SNX25: variants seen among roughly 807,000 people sequenced by gnomAD.
SNX25 encodes the protein sorting nexin 25.
In SNX25, 62 loss-of-function variants were observed where a neutral mutation model predicts 113.7. The ratio of observed to expected loss-of-function variants is 0.55; its 90% confidence interval spans 0.44 to 0.67. The LOEUF (loss-of-function observed/expected upper bound fraction) is 0.67, where lower values mean the gene tolerates loss of function less well. SNX25 is among the 30% of genes least tolerant of loss of function. SNX25 has a pLI of 0.00. For missense variants in SNX25, 1,014 were observed against 1,161.0 expected, an observed-to-expected ratio of 0.87 and a Z score of 1.84; for synonymous variants, 421 against 436.2, an observed-to-expected ratio of 0.97 and a Z score of 0.43.
intron 7 of SNX25, 80 bp from the exon 8 acceptor site, chr4:185,320,653 A>G (rs879267147): frequency 1.0e-4 from 112 of 1,077,202 alleles, no homozygotes; most frequent in Non-Finnish European, 1.4e-4. Flanking sequence ...CTAAATGTAG[A>G]AATCAGTCCA....
At chr4:185,317,634 T>C (rs778073353) in intron 7 of SNX25, among the ~76,000 whole-genome samples, 4 of 152,134 alleles carry the variant, frequency 2.6e-5, no homozygotes, top group Non-Finnish European at 4.4e-5. Context: ...TGGAGTACTA[T>C]GCAGCCATAA....
At chr4:185,301,917 T>C (rs1461998965) in intron 6 of SNX25, among the ~76,000 whole-genome samples, 1 of 147,890 alleles carries the variant, frequency 6.8e-6, no homozygotes, top group South Asian at 2.2e-4. Context: ...TCTTTTTTTT[T>C]GAGATGGAGT....
At chr4:185,243,236 C>T (rs1744333197) in intron 1 of SNX25, among the ~76,000 whole-genome samples, 1 of 152,176 alleles carries the variant, frequency 6.6e-6, no homozygotes, top group Non-Finnish European at 1.5e-5. Context: ...TTTGAGTATA[C>T]AGTTCAGTGA....
chr4:185,246,138 A>T lies in SNX25; in HGVS notation c.430-1156A>T, dbSNP rs532846416. Among the ~76,000 whole-genome samples the T allele has an allele frequency of 2.0e-5, 3 of 152,298 alleles. No individual in the cohort carries two copies. The East Asian group carries it at 5.8e-4, about 29-fold the overall frequency. On this transcript the variant is annotated intron_variant, in intron 1 of 18. Coordinates refer to ENST00000652585, the MANE Select transcript of SNX25 (RefSeq NM_001378034.2). ...CCATCTCTACTAGAAATAAAAAATTAGCTGGGTGTGGTGTCGTGGGCCTGA... is the reference window on the plus strand; with the variant it reads ...CCATCTCTACTAGAAATAAAAAATTTGCTGGGTGTGGTGTCGTGGGCCTGA...
chr4:185,289,108 G>A (rs1045576598), intron 6 of SNX25, among the ~76,000 whole-genome samples: 1 of 152,140 alleles, frequency 6.6e-6, no homozygotes, highest in Non-Finnish European at 1.5e-5. Context: ...AGATTATGAA[G>A]AGGCACTGAT....
chr4:185,280,389 A>G (rs1241226434), intron 5 of SNX25, among the ~76,000 whole-genome samples: 5 of 152,218 alleles, frequency 3.3e-5, no homozygotes, highest in Admixed American at 3.3e-4. Flanking sequence ...AATAAAAAAC[A>G]CTCTAAGGCA....
chr4:185,224,788 T>C (rs1740720332), intron 1 of SNX25, among the ~76,000 whole-genome samples: 1 of 151,850 alleles, frequency 6.6e-6, no homozygotes. Context: ...GGAGCCCTTT[T>C]TAGTTGACTC....
chr4:185,298,504 C>A (rs1253023423), intron 6 of SNX25, among the ~76,000 whole-genome samples: 1 of 151,992 alleles, frequency 6.6e-6, no homozygotes, highest in African/African-American at 2.4e-5. Context: ...TAGCTTATGT[C>A]ACCTTTGTAT....
At chr4:185,308,673 A>G (rs1477906998) in intron 6 of SNX25, among the ~76,000 whole-genome samples, 4 of 152,236 alleles carry the variant, frequency 2.6e-5, no homozygotes, top group Non-Finnish European at 5.9e-5. Flanking sequence ...CTGGGGATAT[A>G]GCAGTGTATA....
At chr4:185,227,115 G>C (rs1001425990) in intron 1 of SNX25, among the ~76,000 whole-genome samples, 3 of 152,210 alleles carry the variant, frequency 2.0e-5, no homozygotes, top group Non-Finnish European at 2.9e-5. Context: ...GAAGAAGAAA[G>C]TCCCTTTTTG....
intron 6 of SNX25, among the ~76,000 whole-genome samples, chr4:185,298,332 A>G (rs113268591): frequency 0.011 from 1,717 of 151,532 alleles, 20 homozygotes; most frequent in South Asian, 0.05. Context: ...CAGGTGACTC[A>G]CCCGCCTCGG....
At position 185,259,031 on chromosome 4, in the gene SNX25, C is replaced by T. The variant is rs1746856268; in HGVS notation, c.698C>T (p.Thr233Ile). Residue 233 changes from threonine to isoleucine, a missense_variant, in exon 3 of 19, where the codon ACT (threonine) becomes ATT (isoleucine). Thr to Ile is a moderately conservative substitution (Grantham distance 89). Coordinates refer to ENST00000652585, the MANE Select transcript of SNX25 (RefSeq NM_001378034.2). ...VCNDVVRTLL[T>I]HFCDLKAANA... The stretch of plus-strand genomic sequence containing the variant: ...AATGATGTTGTGAGGACTTTACTCA[C>T]TCATTTCTGTGACCTGAAAGCTGCC... The T allele has an allele frequency of 6.2e-7, 1 of 1,614,122 alleles. No individual in the cohort carries two copies. The highest frequency in any genetic ancestry group is 2.2e-5 in the East Asian group (1 of 44,882).
At chr4:185,355,999 T>C (rs967444896) in intron 15 of SNX25, among the ~76,000 whole-genome samples, 3 of 152,334 alleles carry the variant, frequency 2.0e-5, no homozygotes, top group South Asian at 2.1e-4. Context: ...TCGGAACATA[T>C]TCGGTTTTGC....
intron 5 of SNX25, among the ~76,000 whole-genome samples, chr4:185,284,077 C>T (rs1751018929): frequency 6.6e-6 from 1 of 152,106 alleles, no homozygotes; most frequent in South Asian, 2.1e-4. Flanking sequence ...GAGTGCCTAC[C>T]ATATGTTTAG....
Position 185,329,459 on chromosome 4 carries a change from C to T in SNX25, c.1750-3136C>T, listed in dbSNP as rs1035901996. Among the ~76,000 whole-genome samples the T allele has an allele frequency of 3.0e-4, 46 of 152,098 alleles. 1 individual carries two copies. Among genetic ancestry groups the T allele is most frequent in the Admixed American group, 2.7e-3 (41 of 15,274 alleles). On this transcript the variant is annotated intron_variant, in intron 9 of 18. Coordinates refer to ENST00000652585, the MANE Select transcript of SNX25 (RefSeq NM_001378034.2). ...CCAGCGTCCTCTTTCCTAAAGAGGACGGTTAAGCTAAGAAGAAACTGGGCA... is the reference window on the plus strand; with the variant it reads ...CCAGCGTCCTCTTTCCTAAAGAGGATGGTTAAGCTAAGAAGAAACTGGGCA...
Position 185,357,168 on chromosome 4 carries a change from C to T in SNX25, c.2585-503C>T, listed in dbSNP as rs143085687. 3.4e-3 allele frequency among the ~76,000 whole-genome samples: 512 copies of T among 152,310 alleles called. 4 individuals carry two copies. The highest frequency in any genetic ancestry group is 0.012 in the African/African-American group (489 of 41,562). ...TGCCTCTTCACCATTCACTTATCCT[C>T]TCCCAAATGCGTAGTATATATAAAG... On this transcript the variant is annotated intron_variant, in intron 15 of 18. Coordinates refer to ENST00000652585, the MANE Select transcript of SNX25 (RefSeq NM_001378034.2).
the SNX25 span, among the ~76,000 whole-genome samples, chr4:185,376,286 A>C: frequency 6.6e-6 from 1 of 151,968 alleles, no homozygotes; most frequent in African/African-American, 2.4e-5. Flanking sequence ...ATACAAACAT[A>C]CTTTTTTTTG....
the SNX25 span, chr4:185,378,301 A>C: frequency 2.0e-6 from 3 of 1,509,770 alleles, no homozygotes; most frequent in Admixed American, 2.4e-5. Context: ...CATTAGGAAA[A>C]GCATCCTTCT....
rs190474476 is a variant in SNX25, at chr4:185,241,241, C to T, written c.430-6053C>T. 7.4e-3 allele frequency among the ~76,000 whole-genome samples: 1,120 copies of T among 152,236 alleles called. 4 individuals are homozygous for T. The highest frequency in any genetic ancestry group is 0.017 in the Middle Eastern group (5 of 294). ...CTGCCATCCCAGCACCTCAGGAGGC[C>T]GAGGCTGGCGGATCACTCGCGGTTA... On this transcript the variant is annotated intron_variant, in intron 1 of 18. Coordinates refer to ENST00000652585, the MANE Select transcript of SNX25 (RefSeq NM_001378034.2).
Sources: gnomAD v4.1 joint callset for allele counts (sites outside exome capture counted in the v4.1 genomes callset) on GRCh38, gnomAD v4.1.1 for gene constraint, MANE v1.5 for transcripts, NCBI Gene and HGNC (gene_info 2026-07-23, HGNC 2026-07-21) for gene names.